The following PLAAT5 variants were observed in gnomAD, a reference collection of about 807,000 sequenced individuals.
PLAAT5 encodes phospholipase A and acyltransferase 5, also known as Ca(2+)-independent N-acyltransferase.
PLAAT5 carries 27 observed loss-of-function variants against 27.8 expected under a neutral mutation model. That is an observed-to-expected ratio of 0.97 (90% CI 0.72 to 1.34). PLAAT5 has a LOEUF of 1.34. PLAAT5 is among the 40% of genes most tolerant of loss of function. PLAAT5 has a pLI of 0.00. For synonymous variants in PLAAT5, 125 were observed against 136.1 expected, an observed-to-expected ratio of 0.92 and a Z score of 0.57; for missense variants, 368 against 343.8, an observed-to-expected ratio of 1.07 and a Z score of -0.56.
At chr11:63,489,201 T>C (rs1168075663) in intron 2 of PLAAT5, among the ~76,000 whole-genome samples, 2 of 152,200 alleles carry the variant, frequency 1.3e-5, no homozygotes, top group African/African-American at 4.8e-5. Flanking sequence ...AGAAGCAGTT[T>C]TGGGGGTTTT....
chr11:63,469,683 CA>C (rs2015969058), intron 3 of PLAAT5: 1 of 173,794 alleles, frequency 5.8e-6, no homozygotes, highest in African/African-American at 2.4e-5. Flanking sequence ...GTCAACTACT[CA>C]GAGCAAAATA....
At chr11:63,466,022 G>A in intron 5 of PLAAT5, 88 bp downstream of exon 5, 1 of 1,333,844 alleles carries the variant, frequency 7.5e-7, no homozygotes, top group Non-Finnish European at 1.0e-6. Flanking sequence ...TATAATGAAA[G>A]CCCTGATTAC....
intron 3 of PLAAT5, among the ~76,000 whole-genome samples, chr11:63,469,189 T>C (rs2015953105): frequency 6.6e-6 from 1 of 151,182 alleles, no homozygotes; most frequent in Admixed American, 6.6e-5. Context: ...AGAATATACA[T>C]GAATAGGTAG....
chr11:63,481,821 C>T (rs2016292218), intron 3 of PLAAT5, among the ~76,000 whole-genome samples: 1 of 152,114 alleles, frequency 6.6e-6, no homozygotes, highest in African/African-American at 2.4e-5. Flanking sequence ...AAACCAAACA[C>T]CGCATGTTCT....
intron 3 of PLAAT5, among the ~76,000 whole-genome samples, chr11:63,487,941 C>T (rs1337942191): frequency 6.6e-6 from 1 of 152,098 alleles, no homozygotes; most frequent in African/African-American, 2.4e-5. Flanking sequence ...GTCGGGAGAT[C>T]GAGACCATCC....
At chr11:63,481,738 G>A (rs2016289417) in intron 3 of PLAAT5, among the ~76,000 whole-genome samples, 1 of 152,166 alleles carries the variant, frequency 6.6e-6, no homozygotes, top group African/African-American at 2.4e-5. Context: ...AAAAAATGAT[G>A]AGTTCATGTC....
chr11:63,484,168 A>T (rs1323595678), intron 3 of PLAAT5, among the ~76,000 whole-genome samples: 2 of 151,464 alleles, frequency 1.3e-5, no homozygotes, highest in African/African-American at 4.8e-5. Context: ...AGAAAAAAAA[A>T]AAAAAGTCCA....
chr11:63,490,561 G>A (rs2016539501), intron 1 of PLAAT5: 2 of 689,070 alleles, frequency 2.9e-6, no homozygotes, highest in Non-Finnish European at 4.8e-6. Flanking sequence ...AACGGAATCG[G>A]GGAGAGGATG....
chr11:63,472,534 A>G (rs893461816), intron 3 of PLAAT5, among the ~76,000 whole-genome samples: 3 of 152,144 alleles, frequency 2.0e-5, no homozygotes, highest in Non-Finnish European at 2.9e-5. Context: ...TAATCTGTAG[A>G]TCGATTTGGT....
chr11:63,468,285 C>T, intron 4 of PLAAT5, 72 bp downstream of exon 4: 1 of 1,105,316 alleles, frequency 9.0e-7, no homozygotes. Flanking sequence ...CTGAGGAACA[C>T]AGTAATTAAC....
intron 1 of PLAAT5, chr11:63,490,669 C>CA (rs2016542363): frequency 1.6e-6 from 1 of 617,132 alleles, no homozygotes; most frequent in East Asian, 2.8e-5. Flanking sequence ...CCACCACTGC[C>CA]TCACTTCCAT....
At chr11:63,481,650 C>T (rs2016287259) in intron 3 of PLAAT5, among the ~76,000 whole-genome samples, 1 of 152,152 alleles carries the variant, frequency 6.6e-6, no homozygotes, top group African/African-American at 2.4e-5. Context: ...AGACTTGGAA[C>T]CAACCCAAAT....
At chr11:63,465,646 T>G (rs962073728) in intron 5 of PLAAT5, among the ~76,000 whole-genome samples, 1 of 151,850 alleles carries the variant, frequency 6.6e-6, no homozygotes, top group Non-Finnish European at 1.5e-5. Context: ...TAAAATTAAC[T>G]GGGTGTGGTG....
intron 4 of PLAAT5, 90 bp downstream of exon 4, chr11:63,468,267 G>T: frequency 1.1e-6 from 1 of 940,136 alleles, no homozygotes. Context: ...GCTAAAGAAT[G>T]GCAGTAACTG....
chr11:63,490,441 G>C lies in PLAAT5; in HGVS notation c.149-108C>G, dbSNP rs1235154098. On this transcript the variant is annotated intron_variant, in intron 1 of 5. Transcript: ENST00000540857. ...AGAGCTCTAGTCTAGCATCGTGCCT[G>C]GCCCCTGGTTAGGCCTCAGAAAATC... 3.2e-6 allele frequency: 5 copies of C among 1,570,834 alleles called. No individual in the cohort carries two copies. The East Asian group carries it at 9.0e-5, about 28-fold the overall frequency.
At position 63,490,986 on chromosome 11, in the gene PLAAT5, T is replaced by C. The variant is rs762744191; in HGVS notation, c.49A>G (p.Arg17Gly). 9.6e-6 allele frequency: 15 copies of C among 1,563,922 alleles called. No homozygotes were observed. Among genetic ancestry groups the C allele is most frequent in the Non-Finnish European group, 1.2e-5 (14 of 1,155,892 alleles). The change falls in exon 1 of 6, where the codon AGG becomes GGG. Residue 17 changes from arginine to glycine, a missense_variant. Arg to Gly is a moderately radical substitution (Grantham distance 125, BLOSUM62 -2). Transcript: ENST00000540857. ...AEGEYALRLP[R>G]IPPPLPKPAS... Reference sequence around the variant, plus strand: ...GGTTTGGGGAGGGGTGGGGGAATCCTAGGGAGGCGGAGCGCGTACTCCCCC... The same window carrying C: ...GGTTTGGGGAGGGGTGGGGGAATCCCAGGGAGGCGGAGCGCGTACTCCCCC...
Position 63,462,432 on chromosome 11 carries a change from G to GCTC in PLAAT5, c.*1070_*1071insGAG, listed in dbSNP as rs2015743161. 1.3e-5 allele frequency: 2 copies of GCTC among 152,320 alleles called. No homozygotes were observed. Among genetic ancestry groups the GCTC allele is most frequent in the Middle Eastern group, 3.4e-3 (1 of 294 alleles). The allele number at this position is 152,320 out of a possible 1,614,324, so 9.4% of individuals were successfully genotyped here. On this transcript the variant is annotated 3_prime_UTR_variant, in exon 6 of 6. Coordinates refer to ENST00000540857, the MANE Select transcript of PLAAT5 (RefSeq NM_001146729.2). ...GGGGAACAGGAGGCCATTGAGTTTA[G>GCTC]ATTGCTAAGAAAAGGATGGAGGGTA...
Position 63,468,845 on chromosome 11 carries a change from G to A in PLAAT5, c.346-380C>T, listed in dbSNP as rs573929006. ...TTCTCTTGTACTGCAAGACAAAGGG[G>A]TTCTCCTGCAGTTTCTGGCTGGGGT... is the stretch of plus-strand genomic sequence containing the variant. On this transcript the variant is annotated intron_variant, in intron 3 of 5. Transcript: ENST00000540857. 6.6e-4 allele frequency among the ~76,000 whole-genome samples: 101 copies of A among 152,260 alleles called. 3 individuals carry two copies. The South Asian group carries it at 0.02, about 30-fold the overall frequency.
intron 3 of PLAAT5, among the ~76,000 whole-genome samples, chr11:63,481,077 G>A (rs532718642): frequency 6.6e-6 from 1 of 152,216 alleles, no homozygotes; most frequent in East Asian, 1.9e-4. Flanking sequence ...TCCATATGCT[G>A]TATTGTCTTA....
Sources: allele counts gnomAD v4.1 joint callset (sites outside exome capture counted in the v4.1 genomes callset), GRCh38; gene constraint gnomAD v4.1.1; transcripts MANE v1.5; gene names NCBI Gene and HGNC (gene_info 2026-07-23, HGNC 2026-07-21).